COL24A1: variants seen among roughly 807,000 people sequenced by gnomAD.
The protein encoded by COL24A1 is collagen alpha-1(XXIV) chain.
In COL24A1, 224 loss-of-function variants were observed where a neutral mutation model predicts 253.9. The observed-to-expected ratio is 0.88, with a 90% CI of 0.79 to 0.99. The LOEUF (loss-of-function observed/expected upper bound fraction) is 0.99, where lower values mean the gene tolerates loss of function less well. Among genes scored for constraint, COL24A1 ranks in the 50% least tolerant of loss-of-function variants. The pLI is 0.00. For missense variants in COL24A1, 2,131 were observed against 2,068.5 expected (o/e 1.03, Z -0.59); for synonymous variants, 685 against 673.7 (o/e 1.02, Z -0.26).
chr1:85,765,606 T>A (rs756748022), intron 53 of COL24A1, among the ~76,000 whole-genome samples: 1 of 151,390 alleles, frequency 6.6e-6, no homozygotes, highest in Non-Finnish European at 1.5e-5. Flanking sequence ...CCAAGTGCAA[T>A]GACACGCACC....
chr1:85,874,642 C>T lies in COL24A1; in HGVS notation c.3138+7G>A. On this transcript the variant is annotated splice_region_variant and intron_variant, in intron 35 of 59. Coordinates refer to ENST00000370571, the MANE Select transcript of COL24A1 (RefSeq NM_152890.7). Reference sequence around the variant, plus strand: ...GTGTATTAAAAGAGTTTCAAGGGGGCACTCACCCGTAAACCTGGTTCCCCA... The same window carrying T: ...GTGTATTAAAAGAGTTTCAAGGGGGTACTCACCCGTAAACCTGGTTCCCCA... 1 of 1,611,900 alleles carries T rather than the reference C, an allele frequency of 6.2e-7. No homozygotes were observed.
At position 86,032,092 on chromosome 1, in the gene COL24A1, C is replaced by T. The variant is rs143330079; in HGVS notation, c.2005-170G>A. 3.3e-5 allele frequency among the ~76,000 whole-genome samples: 5 copies of T among 152,310 alleles called. No homozygotes were observed. The South Asian group carries it at 6.2e-4, about 19-fold the overall frequency. ...TATGCATCCTCCTGAGAAGCACAAA[C>T]CTATGGTGGCCATTTATGTTCTTCA... On this transcript the variant is annotated intron_variant, in intron 13 of 59. Transcript: ENST00000370571.
chr1:86,086,759 T>C (rs1268656189), intron 7 of COL24A1, among the ~76,000 whole-genome samples: 2 of 152,176 alleles, frequency 1.3e-5, no homozygotes, highest in Non-Finnish European at 2.9e-5. Flanking sequence ...TGTATATTCA[T>C]ATTAAAGTAA....
At chr1:85,851,737 G>T (rs548586138) in intron 37 of COL24A1, among the ~76,000 whole-genome samples, 37 of 152,116 alleles carry the variant, frequency 2.4e-4, no homozygotes, top group African/African-American at 8.9e-4. Flanking sequence ...TGAATTTCTG[G>T]TTCCTATCTT....
intron 32 of COL24A1, among the ~76,000 whole-genome samples, chr1:85,881,297 T>C (rs1681812915): frequency 6.6e-6 from 1 of 152,162 alleles, no homozygotes; most frequent in African/African-American, 2.4e-5. Flanking sequence ...TATCCCTTTC[T>C]GTTTATATGA....
chr1:86,102,892 G>A (rs568896045), intron 5 of COL24A1, among the ~76,000 whole-genome samples: 5 of 152,240 alleles, frequency 3.3e-5, no homozygotes, highest in African/African-American at 1.2e-4. Flanking sequence ...TGTCTATCAG[G>A]CCCATTTGAT....
chr1:86,131,637 T>A (rs910532249), intron 2 of COL24A1, among the ~76,000 whole-genome samples: 2 of 151,852 alleles, frequency 1.3e-5, no homozygotes, highest in Non-Finnish European at 2.9e-5. Flanking sequence ...TTGTGATAGT[T>A]TGCTGAGAAT....
chr1:86,001,937 T>C (rs1400966258), intron 19 of COL24A1, among the ~76,000 whole-genome samples: 1 of 152,216 alleles, frequency 6.6e-6, no homozygotes, highest in Non-Finnish European at 1.5e-5. Context: ...ACAGAGACAG[T>C]AGAGGCTTTG....
chr1:86,111,463 AC>A (rs1455694184), intron 5 of COL24A1, among the ~76,000 whole-genome samples: 1 of 151,982 alleles, frequency 6.6e-6, no homozygotes. Context: ...TTGTAAATGC[AC>A]CAATCAGCAC....
intron 58 of COL24A1, chr1:85,736,273 G>A: frequency 2.2e-6 from 1 of 456,112 alleles, no homozygotes; most frequent in Non-Finnish European, 4.4e-6. Context: ...TACTTCTCTG[G>A]TCTTCCTTGG....
In COL24A1 at chr1:85,967,743, C is replaced by T. The variant is rs187672501; in HGVS notation, c.2463+2484G>A. ...TCATAAAGATCACGCAACCTAGATC[C>T]CTTGCTTGCACAGTTCACAATAGGG... On this transcript the variant is annotated intron_variant, in intron 22 of 59. Transcript: ENST00000370571. 1.1e-4 allele frequency among the ~76,000 whole-genome samples: 16 copies of T among 152,260 alleles called. 1 individual carries two copies. The highest frequency in any genetic ancestry group is 4.6e-4 in the Admixed American group (7 of 15,284).
At chr1:85,815,885 G>A (rs775340808) in intron 47 of COL24A1, among the ~76,000 whole-genome samples, 2 of 152,154 alleles carry the variant, frequency 1.3e-5, no homozygotes, top group African/African-American at 2.4e-5. Context: ...GAAGGAAAGC[G>A]GGAAAATGGT....
At chr1:85,854,936 G>T (rs911442662) in intron 37 of COL24A1, among the ~76,000 whole-genome samples, 1 of 152,064 alleles carries the variant, frequency 6.6e-6, no homozygotes, top group South Asian at 2.1e-4. Flanking sequence ...TCTCTTGACA[G>T]CGTGTTCCAC....
intron 19 of COL24A1, among the ~76,000 whole-genome samples, chr1:86,013,707 G>A (rs1283563628): frequency 1.3e-5 from 2 of 152,086 alleles, no homozygotes; most frequent in Non-Finnish European, 2.9e-5. Context: ...GTGGTGGCAG[G>A]CACCTGTAAT....
At chr1:86,154,916 T>C (rs6697498) in intron 1 of COL24A1, 112,570 of 152,278 alleles carry the variant, frequency 0.74, 41,784 homozygotes, top group African/African-American at 0.8. Flanking sequence ...GGAAGATCTG[T>C]CAGTTCCGCA....
intron 5 of COL24A1, among the ~76,000 whole-genome samples, chr1:86,098,505 T>C (rs911603209): frequency 1.3e-5 from 2 of 152,122 alleles, no homozygotes; most frequent in Admixed American, 1.3e-4. Context: ...GAATTGAACA[T>C]AAATATCAGC....
intron 19 of COL24A1, among the ~76,000 whole-genome samples, chr1:86,002,928 A>C (rs1051720782): frequency 6.6e-6 from 1 of 152,218 alleles, no homozygotes; most frequent in Non-Finnish European, 1.5e-5. Flanking sequence ...ATACCAGGTG[A>C]CACTGTAGGC....
intron 14 of COL24A1, among the ~76,000 whole-genome samples, chr1:86,026,367 A>G (rs1698021465): frequency 6.6e-6 from 1 of 152,160 alleles, no homozygotes; most frequent in South Asian, 2.1e-4. Context: ...TAGTCTCCAT[A>G]ATCCCCACAT....
intron 43 of COL24A1, among the ~76,000 whole-genome samples, chr1:85,835,550 T>C (rs1035017857): frequency 6.6e-6 from 1 of 152,216 alleles, no homozygotes; most frequent in Non-Finnish European, 1.5e-5. Context: ...TTTGTGACTA[T>C]AAACATGTTT....
Sources: allele counts gnomAD v4.1 joint callset (sites outside exome capture counted in the v4.1 genomes callset), GRCh38; gene constraint gnomAD v4.1.1; transcripts MANE v1.5; gene names NCBI Gene and HGNC (gene_info 2026-07-23, HGNC 2026-07-21).